The following MGAT4C variants were observed in gnomAD, a reference collection of about 807,000 sequenced individuals.
The protein encoded by MGAT4C is alpha-1,3-mannosyl-glycoprotein 4-beta-N-acetylglucosaminyltransferase C.
In MGAT4C, 19 loss-of-function variants were observed where a neutral mutation model predicts 40.1. The ratio of observed to expected loss-of-function variants is 0.47; its 90% confidence interval spans 0.33 to 0.70. The LOEUF is 0.70. Among genes scored for constraint, MGAT4C ranks in the 30% least tolerant of loss-of-function variants. MGAT4C has a pLI of 0.02. For missense variants in MGAT4C, 491 were observed against 563.2 expected (o/e 0.87, Z 1.30); for synonymous variants, 181 against 187.1 (o/e 0.97, Z 0.27).
chr12:86,468,357 A>G (rs996476343), intron 2 of MGAT4C, among the ~76,000 whole-genome samples: 1 of 152,048 alleles, frequency 6.6e-6, no homozygotes, highest in African/African-American at 2.4e-5. Context: ...CCTAGTTTAA[A>G]GGTTTTCCAG....
intron 3 of MGAT4C, among the ~76,000 whole-genome samples, chr12:86,356,381 A>G (rs544769412): frequency 2.0e-4 from 31 of 152,278 alleles, no homozygotes; most frequent in Non-Finnish European, 4.0e-4. Flanking sequence ...AATAGGAAGA[A>G]CTCCAGTCTA....
At chr12:86,753,659 CT>C (rs1295842173) in intron 1 of MGAT4C, among the ~76,000 whole-genome samples, 3 of 151,794 alleles carry the variant, frequency 2.0e-5, no homozygotes, top group African/African-American at 7.3e-5. Context: ...ATATAAAGGA[CT>C]TTCAAACTTC....
intron 2 of MGAT4C, among the ~76,000 whole-genome samples, chr12:86,695,549 A>C (rs1950240808): frequency 6.6e-6 from 1 of 152,222 alleles, no homozygotes; most frequent in Non-Finnish European, 1.5e-5. Context: ...TGAATAAAGA[A>C]AATGTGGTGC....
At chr12:86,367,723 C>CTGGAGGCAGAGCTTGCAG (rs1955628333) in intron 3 of MGAT4C, among the ~76,000 whole-genome samples, 1 of 152,126 alleles carries the variant, frequency 6.6e-6, no homozygotes, top group African/African-American at 2.4e-5. Flanking sequence ...GGCGTGAATC[C>CTGGAGGCAGAGCTTGCAG]TGGAGGCAGA....
chr12:86,526,956 G>A (rs369098899), intron 2 of MGAT4C, among the ~76,000 whole-genome samples: 27 of 152,228 alleles, frequency 1.8e-4, no homozygotes, highest in African/African-American at 5.8e-4. Context: ...AGTTGTTGGG[G>A]GCCAGGAACG....
chr12:86,424,727 A>G (rs1956892607), intron 3 of MGAT4C, among the ~76,000 whole-genome samples: 1 of 152,188 alleles, frequency 6.6e-6, no homozygotes, highest in South Asian at 2.1e-4. Flanking sequence ...AATTCTTATA[A>G]CAATCTAATA....
chr12:86,037,552 G>C (rs1022658191), intron 2 of MGAT4C, among the ~76,000 whole-genome samples: 1 of 150,180 alleles, frequency 6.7e-6, no homozygotes, highest in South Asian at 2.1e-4. Flanking sequence ...TATTTACGCA[G>C]TAGTCATTCA....
At chr12:86,700,185 A>T (rs1335005907) in intron 2 of MGAT4C, among the ~76,000 whole-genome samples, 1 of 121,922 alleles carries the variant, frequency 8.2e-6, no homozygotes, top group Non-Finnish European at 1.8e-5. Context: ...AGACAGATAG[A>T]TAGATAGATA....
rs1189443644 is a variant in MGAT4C at position 86,443,178 on chromosome 12, TTA to T, written c.-228-7915_-228-7914del. ...AAGTATATTTATATTTCCACTGACATTATATATGTGTGTGTGTGTATATATAT... is the reference window on the plus strand; with the variant it reads ...AAGTATATTTATATTTCCACTGACATTATATGTGTGTGTGTGTATATATAT... On this transcript the variant is annotated intron_variant, in intron 2 of 7. Coordinates refer to the MGAT4C transcript ENST00000548651. Among the ~76,000 whole-genome samples, 4 of 151,504 alleles carry T rather than the reference TTA, an allele frequency of 2.6e-5. No individual in the cohort carries two copies. In the East Asian group the frequency reaches 7.9e-4, roughly 30 times the overall value.
At chr12:86,784,370 G>A (rs554936543) in intron 1 of MGAT4C, among the ~76,000 whole-genome samples, 1 of 152,092 alleles carries the variant, frequency 6.6e-6, no homozygotes, top group Admixed American at 6.5e-5. Context: ...CATTACTCTT[G>A]TATTTTCCTA....
At chr12:86,047,647 C>T (rs565113202) in intron 2 of MGAT4C, among the ~76,000 whole-genome samples, 1 of 152,080 alleles carries the variant, frequency 6.6e-6, no homozygotes, top group African/African-American at 2.4e-5. Flanking sequence ...AAATAAGAAA[C>T]AAACCTCATG....
At chr12:86,191,083 G>GCACACACA (rs56357601) in intron 1 of MGAT4C, among the ~76,000 whole-genome samples, 28 of 138,466 alleles carry the variant, frequency 2.0e-4, no homozygotes, top group African/African-American at 3.2e-4. Flanking sequence ...CTCTCTCTCT[G>GCACACACA]CACACACACA....
chr12:86,215,632 T>C (rs1286764579), intron 1 of MGAT4C, among the ~76,000 whole-genome samples: 2 of 152,158 alleles, frequency 1.3e-5, no homozygotes, highest in Non-Finnish European at 2.9e-5. Flanking sequence ...CTGCAAACAC[T>C]GCCTGTTCAC....
At chr12:86,030,617 A>G (rs1457033340) in intron 2 of MGAT4C, among the ~76,000 whole-genome samples, 1 of 151,772 alleles carries the variant, frequency 6.6e-6, no homozygotes, top group East Asian at 1.9e-4. Flanking sequence ...AAATTTGATT[A>G]GTATATATAT....
At chr12:86,338,975 A>AC (rs1304867297) in intron 3 of MGAT4C, among the ~76,000 whole-genome samples, 2 of 151,066 alleles carry the variant, frequency 1.3e-5, no homozygotes, top group African/African-American at 2.4e-5. Context: ...AAAAAAAAAA[A>AC]AAAAAAACAG....
chr12:86,151,613 T>A (rs1440854393), intron 1 of MGAT4C, among the ~76,000 whole-genome samples: 4 of 150,184 alleles, frequency 2.7e-5, no homozygotes, highest in Non-Finnish European at 5.9e-5. Flanking sequence ...AAAAAAAAAA[T>A]GGACACTATG....
At chr12:86,393,353 A>T (rs1359223465) in intron 3 of MGAT4C, among the ~76,000 whole-genome samples, 1 of 152,214 alleles carries the variant, frequency 6.6e-6, no homozygotes, top group Non-Finnish European at 1.5e-5. Context: ...AAGATGTAAA[A>T]AATGATTTAT....
intron 2 of MGAT4C, among the ~76,000 whole-genome samples, chr12:86,675,173 C>T (rs1964362101): frequency 6.6e-6 from 1 of 152,064 alleles, no homozygotes. Context: ...AGAGATGACC[C>T]CCAGTAAAAG....
chr12:86,376,844 CAGAG>C (rs71076192), intron 3 of MGAT4C, among the ~76,000 whole-genome samples: 33,409 of 101,796 alleles, frequency 0.33, 4,839 homozygotes, highest in Admixed American at 0.43. Context: ...GAGAGAGAGA[CAGAG>C]AGAGAGAGAG....
Sources: allele counts gnomAD v4.1 joint callset (sites outside exome capture counted in the v4.1 genomes callset), GRCh38; gene constraint gnomAD v4.1.1; transcripts MANE v1.5; gene names NCBI Gene and HGNC (gene_info 2026-07-23, HGNC 2026-07-21).